Variants in FBXO36 observed in about 807,000 individuals in gnomAD.
The protein encoded by FBXO36 is F-box protein 36.
FBXO36 carries 18 observed loss-of-function variants against 17.0 expected under a neutral mutation model. That is an observed-to-expected ratio of 1.06 (90% CI 0.73 to 1.57). FBXO36 has a LOEUF of 1.57. FBXO36 is among the 40% of genes most tolerant of loss of function. FBXO36 has a pLI of 0.00. For missense variants in FBXO36, 229 were observed against 221.9 expected (o/e 1.03, Z -0.20); for synonymous variants, 83 against 85.3 (o/e 0.97, Z 0.15).
chr2:229,923,137 G>T (rs1212840268), intron 1 of FBXO36: 1 of 153,858 alleles, frequency 6.5e-6, no homozygotes, highest in East Asian at 1.9e-4. Flanking sequence ...CTGACGATTG[G>T]GAGCTCTTAC....
intron 1 of FBXO36, among the ~76,000 whole-genome samples, chr2:229,967,691 C>T (rs187556620): frequency 1.3e-5 from 2 of 152,138 alleles, no homozygotes; most frequent in African/African-American, 4.8e-5. Context: ...TATTGATTTG[C>T]ATGTGTTAAA....
Position 230,007,531 on chromosome 2 carries a change from G to T in FBXO36, c.379-3165G>T, listed in dbSNP as rs932105776. On this transcript the variant is annotated intron_variant, in intron 3 of 3. Coordinates refer to ENST00000283946, the MANE Select transcript of FBXO36 (RefSeq NM_174899.5). ...CATCTGGCTTGGTAGATCTGAGGTG[G>T]AACCAGCACTTGTGCTCTTAATGTG... is the stretch of plus-strand genomic sequence containing the variant. Among the ~76,000 whole-genome samples, 4 of 152,160 alleles carry T rather than the reference G, an allele frequency of 2.6e-5. 1 individual carries two copies. Among genetic ancestry groups the T allele is most frequent in the African/African-American group, 9.7e-5 (4 of 41,434 alleles).
intron 3 of FBXO36, among the ~76,000 whole-genome samples, chr2:230,003,531 C>T (rs2106215825): frequency 9.6e-6 from 1 of 103,850 alleles, no homozygotes; most frequent in African/African-American, 3.1e-5. Flanking sequence ...TTCAGGTGTT[C>T]TTCTTCTTTT....
intron 1 of FBXO36, among the ~76,000 whole-genome samples, 156 bp downstream of exon 1, chr2:229,922,765 T>C (rs979837423): frequency 1.3e-5 from 2 of 152,268 alleles, no homozygotes; most frequent in East Asian, 3.9e-4. Context: ...CACCTCGGCC[T>C]CCTCGGTCCG....
intron 1 of FBXO36, among the ~76,000 whole-genome samples, chr2:229,923,914 G>A (rs1477371907): frequency 2.9e-5 from 4 of 139,450 alleles, no homozygotes; most frequent in East Asian, 2.3e-4. Flanking sequence ...GTGCAGTGGC[G>A]CGATCTCGGC....
At chr2:229,932,859 G>T in intron 1 of FBXO36, 1 of 326,182 alleles carries the variant, frequency 3.1e-6, no homozygotes, top group South Asian at 2.3e-5. Flanking sequence ...CACGACGTCT[G>T]GAGTTGGAGA....
At chr2:229,974,387 T>G (rs868397279) in intron 1 of FBXO36, among the ~76,000 whole-genome samples, 6 of 152,194 alleles carry the variant, frequency 3.9e-5, no homozygotes, top group Middle Eastern at 3.2e-3. Flanking sequence ...TGACTTAACT[T>G]GAATGTGTGC....
At chr2:229,969,778 A>C (rs569044316) in intron 1 of FBXO36, among the ~76,000 whole-genome samples, 3 of 152,350 alleles carry the variant, frequency 2.0e-5, no homozygotes, top group East Asian at 3.9e-4. Context: ...TAAGAGATGG[A>C]ACAGAATAGC....
chr2:229,946,011 A>G (rs1196010239), intron 1 of FBXO36, among the ~76,000 whole-genome samples: 1 of 151,650 alleles, frequency 6.6e-6, no homozygotes, highest in Non-Finnish European at 1.5e-5. Flanking sequence ...AACGAGAGCG[A>G]AACTCCATCT....
At chr2:229,988,828 G>GTT (rs11321192) in intron 2 of FBXO36, among the ~76,000 whole-genome samples, 61 of 129,338 alleles carry the variant, frequency 4.7e-4, no homozygotes, top group African/African-American at 1.4e-3. Context: ...ATGCTGGCCT[G>GTT]TTTTTTTTTT....
intron 1 of FBXO36, among the ~76,000 whole-genome samples, chr2:229,967,589 G>C (rs183365298): frequency 4.6e-5 from 7 of 152,112 alleles, no homozygotes; most frequent in Middle Eastern, 3.2e-3. Flanking sequence ...TAGCATGAAG[G>C]GCTGTTGAAT....
intron 1 of FBXO36, among the ~76,000 whole-genome samples, chr2:229,928,877 C>G (rs1204772050): frequency 1.3e-5 from 2 of 152,138 alleles, no homozygotes; most frequent in African/African-American, 4.8e-5. Context: ...CCTTGCGCCT[C>G]TGTGTCCCAA....
intron 1 of FBXO36, among the ~76,000 whole-genome samples, chr2:229,924,630 CTT>C (rs1205593170): frequency 2.0e-5 from 3 of 152,116 alleles, no homozygotes; most frequent in Non-Finnish European, 4.4e-5. Flanking sequence ...GGCTGAGTAT[CTT>C]GTTACCTTTT....
chr2:229,939,149 G>A (rs1442469315), intron 1 of FBXO36: 7 of 822,176 alleles, frequency 8.5e-6, no homozygotes, highest in African/African-American at 1.9e-5. Flanking sequence ...CGGTTCCCGG[G>A]TTCAAGCGAT....
At chr2:230,000,886 C>T (rs1311187272) in intron 3 of FBXO36, among the ~76,000 whole-genome samples, 2 of 140,792 alleles carry the variant, frequency 1.4e-5, no homozygotes, top group African/African-American at 5.3e-5. Flanking sequence ...GTCAGAGTCT[C>T]GCTCGGTCAC....
At chr2:229,926,852 G>T (rs890068360) in intron 1 of FBXO36, among the ~76,000 whole-genome samples, 1 of 152,022 alleles carries the variant, frequency 6.6e-6, no homozygotes, top group African/African-American at 2.4e-5. Flanking sequence ...GGGGTGGAAA[G>T]GATCTTTGTT....
chr2:229,967,722 T>C (rs2077160665), intron 1 of FBXO36, among the ~76,000 whole-genome samples: 1 of 152,220 alleles, frequency 6.6e-6, no homozygotes. Flanking sequence ...ATCCCAGGGA[T>C]GAAGCCCACT....
At chr2:229,975,722 C>A (rs1322968010) in intron 1 of FBXO36, among the ~76,000 whole-genome samples, 1 of 151,864 alleles carries the variant, frequency 6.6e-6, no homozygotes, top group Non-Finnish European at 1.5e-5. Flanking sequence ...GCAATCCTCC[C>A]ACCTCAACCT....
intron 3 of FBXO36, among the ~76,000 whole-genome samples, chr2:229,998,370 C>T (rs750120723): frequency 1.3e-5 from 2 of 151,958 alleles, no homozygotes; most frequent in Middle Eastern, 6.8e-3. Context: ...TGCCTGTAAT[C>T]CCAGCACTTT....
Sources: gnomAD v4.1 joint callset for allele counts (sites outside exome capture counted in the v4.1 genomes callset) on GRCh38, gnomAD v4.1.1 for gene constraint, MANE v1.5 for transcripts, NCBI Gene and HGNC (gene_info 2026-07-23, HGNC 2026-07-21) for gene names.